GLRA3: variants seen among roughly 807,000 people sequenced by gnomAD.
GLRA3 encodes the protein glycine receptor alpha 3.
Under a neutral mutation model 60.4 loss-of-function variants are expected in GLRA3, and 44 were observed. That is an observed-to-expected ratio of 0.73 (90% CI 0.57 to 0.94). GLRA3 has a LOEUF of 0.94. Ranked by LOEUF, GLRA3 falls within the 40% of genes least tolerant of loss-of-function variation. GLRA3 has a pLI of 0.00. For synonymous variants in GLRA3, 223 were observed against 192.9 expected (o/e 1.16, Z -1.29); for missense variants, 508 against 564.6 (o/e 0.90, Z 1.02).
At chr4:174,757,690 A>T (rs1737773828) in intron 3 of GLRA3, among the ~76,000 whole-genome samples, 1 of 152,226 alleles carries the variant, frequency 6.6e-6, no homozygotes, top group South Asian at 2.1e-4. Context: ...AATGGGAAGG[A>T]ATAAATCTCT....
chr4:174,643,827 T>C lies in GLRA3; in HGVS notation c.1354A>G (p.Lys452Glu), dbSNP rs1732702812. 34 of 1,613,810 alleles carry C rather than the reference T, an allele frequency of 2.1e-5. No individual in the cohort carries two copies. The highest frequency in any genetic ancestry group is 2.9e-5 in the Non-Finnish European group (34 of 1,179,782). ...TGAATATCCTCATGCCTAAGAATTT[T>C]ATAGATAACCCAGTAGAAAATATTA... ...IFNIFYWVIYKILRHEDIHQQ... is the reference protein window; with the variant it reads ...IFNIFYWVIYEILRHEDIHQQ... The change falls in exon 10 of 10, where the codon AAA becomes GAA. Residue 452 changes from lysine to glutamate, a missense_variant. Physicochemically the swap from Lys to Glu is moderately conservative, Grantham distance 56. Transcript: ENST00000274093.
intron 1 of GLRA3, among the ~76,000 whole-genome samples, chr4:174,800,731 A>T (rs949079081): frequency 1.3e-5 from 2 of 152,046 alleles, no homozygotes; most frequent in African/African-American, 4.8e-5. Flanking sequence ...GACAGTGCCT[A>T]GCTTATGATG....
intron 4 of GLRA3, 23 bp downstream of exon 4, chr4:174,728,452 G>T: frequency 7.9e-7 from 1 of 1,265,894 alleles, no homozygotes; most frequent in South Asian, 1.2e-5. Context: ...CACTGAAATC[G>T]GCAATTTAAG....
At chr4:174,807,063 A>T (rs114556114) in intron 1 of GLRA3, among the ~76,000 whole-genome samples, 1,558 of 152,172 alleles carry the variant, frequency 0.01, 20 homozygotes, top group African/African-American at 0.035. Context: ...AATAGAAAAG[A>T]CAGTCTATCT....
At chr4:174,824,755 G>A (rs554351108) in intron 1 of GLRA3, among the ~76,000 whole-genome samples, 2 of 152,110 alleles carry the variant, frequency 1.3e-5, no homozygotes, top group South Asian at 2.1e-4. Context: ...TGATAGTTGC[G>A]CTTCCTTATA....
intron 3 of GLRA3, among the ~76,000 whole-genome samples, chr4:174,758,026 T>C (rs1345513269): frequency 1.3e-5 from 2 of 152,098 alleles, no homozygotes; most frequent in African/African-American, 4.8e-5. Context: ...CTCTCTCTTT[T>C]CCTGTACTCT....
chr4:174,668,492 G>A (rs968962246), intron 7 of GLRA3, among the ~76,000 whole-genome samples: 2 of 152,118 alleles, frequency 1.3e-5, no homozygotes, highest in African/African-American at 4.8e-5. Context: ...AGTCCACATG[G>A]AGGTGGTCAA....
intron 5 of GLRA3, among the ~76,000 whole-genome samples, chr4:174,706,318 A>G (rs1299236106): frequency 6.6e-6 from 1 of 152,314 alleles, no homozygotes; most frequent in East Asian, 1.9e-4. Context: ...CAGGAAACAC[A>G]TTTTAGGCAG....
chr4:174,651,089 A>G (rs1733005897), intron 9 of GLRA3, among the ~76,000 whole-genome samples: 1 of 152,160 alleles, frequency 6.6e-6, no homozygotes, highest in South Asian at 2.1e-4. Flanking sequence ...TGAATATACT[A>G]TTAAGGGCTT....
intron 7 of GLRA3, among the ~76,000 whole-genome samples, chr4:174,660,040 T>C (rs1579401418): frequency 6.6e-6 from 1 of 151,812 alleles, no homozygotes; most frequent in South Asian, 2.1e-4. Flanking sequence ...ACATTTATTG[T>C]TGTGTGTGTA....
chr4:174,779,527 G>T (rs1738777055), intron 2 of GLRA3, among the ~76,000 whole-genome samples: 1 of 152,120 alleles, frequency 6.6e-6, no homozygotes, highest in African/African-American at 2.4e-5. Context: ...GCTAAGGGAG[G>T]ACATTCAAAC....
chr4:174,818,857 T>C (rs1455473096), intron 1 of GLRA3, among the ~76,000 whole-genome samples: 3 of 152,186 alleles, frequency 2.0e-5, no homozygotes, highest in African/African-American at 4.8e-5. Flanking sequence ...AAGTCACTTC[T>C]TATAAAGGAA....
chr4:174,767,100 A>G lies in GLRA3; in HGVS notation c.200-70T>C, dbSNP rs192756908. On this transcript the variant is annotated intron_variant, in intron 2 of 9. Coordinates refer to ENST00000274093, the MANE Select transcript of GLRA3 (RefSeq NM_006529.4). ...AAAACATTTTCAAATAATTCCTTGC[A>G]TTCCATTATTATTATTCCATTTTAC... 248 of 774,224 alleles carry G rather than the reference A, an allele frequency of 3.2e-4. 2 individuals carry two copies. In the African/African-American group the frequency reaches 3.6e-3, roughly 11 times the overall value. The allele number at this position is 774,224 out of a possible 1,614,324, so 48.0% of individuals were successfully genotyped here.
At chr4:174,735,917 T>C (rs1052604763) in intron 3 of GLRA3, among the ~76,000 whole-genome samples, 1 of 152,204 alleles carries the variant, frequency 6.6e-6, no homozygotes, top group Admixed American at 6.5e-5. Context: ...TAAACAATTG[T>C]TCTACTACTG....
intron 5 of GLRA3, among the ~76,000 whole-genome samples, chr4:174,692,416 G>C (rs1421460046): frequency 6.6e-6 from 1 of 151,332 alleles, no homozygotes; most frequent in Non-Finnish European, 1.5e-5. Flanking sequence ...CCTCTTCCCG[G>C]CCACCACCCC....
At chr4:174,785,936 GTTTTTTTT>G (rs752488665) in intron 2 of GLRA3, among the ~76,000 whole-genome samples, 14 of 103,478 alleles carry the variant, frequency 1.4e-4, no homozygotes, top group Non-Finnish European at 2.3e-4. Context: ...TGCCTGGCTA[GTTTTTTTT>G]TTTTTTTTTT....
rs1733327210 is a variant in GLRA3 at position 174,659,105 on chromosome 4, T to C, written c.1020A>G (p.Val340=). 4.3e-6 allele frequency: 7 copies of C among 1,612,760 alleles called. No individual in the cohort carries two copies. Among genetic ancestry groups the C allele is most frequent in the South Asian group, 1.1e-5 (1 of 91,046 alleles). The change falls in exon 8 of 10, where the codon GTA becomes GTG. Residue 340 remains valine, a synonymous_variant. Coordinates refer to ENST00000274093, the MANE Select transcript of GLRA3 (RefSeq NM_006529.4). ...ALLEYAAVNF[V]SRQHKELLRF... ...TCAGAAGTTCTTTGTGTTGTCTTGA[T>C]ACAAAATTTACAGCTGCATACTCCA...
intron 7 of GLRA3, 58 bp downstream of exon 7, chr4:174,677,020 C>T (rs1420684167): frequency 5.7e-6 from 6 of 1,057,170 alleles, no homozygotes; most frequent in Non-Finnish European, 8.8e-6. Flanking sequence ...ACAATGATAT[C>T]TTTGCAAGAT....
chr4:174,759,479 C>T (rs1737855789), intron 3 of GLRA3, among the ~76,000 whole-genome samples: 1 of 152,052 alleles, frequency 6.6e-6, no homozygotes, highest in East Asian at 1.9e-4. Flanking sequence ...TATTCATGGA[C>T]AGAAAGACTC....
Sources: allele counts gnomAD v4.1 joint callset (sites outside exome capture counted in the v4.1 genomes callset), GRCh38; gene constraint gnomAD v4.1.1; transcripts MANE v1.5; gene names NCBI Gene and HGNC (gene_info 2026-07-23, HGNC 2026-07-21).